Variants in ZNF30 observed in about 807,000 individuals in gnomAD.
ZNF30 encodes zinc finger protein 30.
A neutral mutation model predicts 13.2 loss-of-function variants in ZNF30; 15 were observed. The observed-to-expected ratio is 1.13, with a 90% CI of 0.76 to 1.75. The LOEUF (loss-of-function observed/expected upper bound fraction) is 1.75. Ranked by LOEUF, ZNF30 falls within the 40% of genes most tolerant of loss-of-function variation. The pLI is 0.00. For synonymous variants in ZNF30, 223 were observed against 256.6 expected (o/e 0.87, Z 1.25); for missense variants, 726 against 757.0 (o/e 0.96, Z 0.48).
chr19:34,936,742 A>G (rs909715927), intron 4 of ZNF30, among the ~76,000 whole-genome samples: 5 of 152,024 alleles, frequency 3.3e-5, no homozygotes, highest in African/African-American at 9.7e-5. Flanking sequence ...TATAAAATGT[A>G]CAAATTAGCT....
intron 1 of ZNF30, among the ~76,000 whole-genome samples, chr19:34,929,553 C>G (rs747346406): frequency 1.2e-4 from 19 of 152,164 alleles, no homozygotes; most frequent in Non-Finnish European, 2.8e-4. Context: ...GATATGGACT[C>G]TTTCTTAGGC....
intron 4 of ZNF30, chr19:34,942,589 G>C: frequency 7.8e-7 from 1 of 1,275,732 alleles, no homozygotes; most frequent in Non-Finnish European, 1.0e-6. Context: ...TTTAAACATG[G>C]ATAGGATAAG....
At chr19:34,936,647 A>C (rs549488795) in intron 4 of ZNF30, among the ~76,000 whole-genome samples, 10 of 152,242 alleles carry the variant, frequency 6.6e-5, no homozygotes, top group African/African-American at 2.2e-4. Flanking sequence ...TGGAATCCCA[A>C]CACTTTGGGA....
chr19:34,937,034 G>A (rs964119831), intron 4 of ZNF30, among the ~76,000 whole-genome samples: 3 of 152,064 alleles, frequency 2.0e-5, no homozygotes, highest in Admixed American at 1.3e-4. Context: ...TGTTTGAGAC[G>A]GAGTTTCACT....
At chr19:34,925,396 T>C (rs1437449441), upstream of ZNF30, among the ~76,000 whole-genome samples, 1 of 152,186 alleles carries the variant, frequency 6.6e-6, no homozygotes, top group Non-Finnish European at 1.5e-5. Context: ...GGGAAATGGT[T>C]TTCCCCTGGA....
At chr19:34,931,016 A>G (rs1461372525) in intron 2 of ZNF30, among the ~76,000 whole-genome samples, 2 of 149,314 alleles carry the variant, frequency 1.3e-5, no homozygotes, top group South Asian at 2.1e-4. Flanking sequence ...GTATAAAATC[A>G]TTACTTTTTT....
Position 34,927,216 on chromosome 19 carries a change from C to G in ZNF30, c.-65C>G, listed in dbSNP as rs1259865007. 2.6e-6 allele frequency: 1 copy of G among 382,126 alleles called. No individual in the cohort carries two copies. Among genetic ancestry groups the G allele is most frequent in the Non-Finnish European group, 4.6e-6 (1 of 216,244 alleles). 23.7% of individuals were successfully genotyped at this position (382,126 alleles called of 1,614,324 possible). A position where few individuals can be genotyped will look rare whatever the true frequency, so the allele number is the denominator to read the frequency against. Reference sequence around the variant, plus strand: ...GGCGCGGAACCCGGACTGAGACATGCGTGAGCGTTGGGTGGACCGGGCGAG... The same window carrying G: ...GGCGCGGAACCCGGACTGAGACATGGGTGAGCGTTGGGTGGACCGGGCGAG... On this transcript the variant is annotated splice_region_variant and 5_prime_UTR_variant, in exon 1 of 5. Transcript: ENST00000601142.
intron 4 of ZNF30, among the ~76,000 whole-genome samples, chr19:34,936,646 A>G (rs2012755968): frequency 6.6e-6 from 1 of 152,182 alleles, no homozygotes; most frequent in South Asian, 2.1e-4. Context: ...CTGGAATCCC[A>G]ACACTTTGGG....
At position 34,930,213 on chromosome 19, in the gene ZNF30, A is replaced by C. The variant is rs967042846; in HGVS notation, c.9+257A>C. On this transcript the variant is annotated intron_variant, in intron 2 of 4. Coordinates refer to ENST00000601142, the MANE Select transcript of ZNF30 (RefSeq NM_194325.3). ...CTGAAAGGCTGTGATAGAGCAGTGG[A>C]GGATTGAAGTCCCGTGGCAGAAGTA... is the stretch of plus-strand genomic sequence containing the variant. 2.0e-5 allele frequency among the ~76,000 whole-genome samples: 3 copies of C among 152,184 alleles called. No individual in the cohort carries two copies. The East Asian group carries it at 5.8e-4, about 29-fold the overall frequency.
At chr19:34,924,929 A>G (rs2012009678), upstream of ZNF30, among the ~76,000 whole-genome samples, 1 of 152,220 alleles carries the variant, frequency 6.6e-6, no homozygotes, top group South Asian at 2.1e-4. Context: ...AAGGCTAAAA[A>G]CTTGCTACTG....
At position 34,928,178 on chromosome 19, in the gene ZNF30, A is replaced by G. The variant is rs1165490546; in HGVS notation, c.-65+962A>G. 2.7e-5 allele frequency among the ~76,000 whole-genome samples: 4 copies of G among 146,142 alleles called. No individual in the cohort carries two copies. The Admixed American group carries it at 2.8e-4, about 10-fold the overall frequency. On this transcript the variant is annotated intron_variant, in intron 1 of 4. Transcript: ENST00000601142. ...AGTGGAGATGGCACCACCGCAATCC[A>G]GCCTGGGCGACAGAGCGAGATCCCT...
At chr19:34,942,772 G>A in intron 4 of ZNF30, 1 of 453,924 alleles carries the variant, frequency 2.2e-6, no homozygotes, top group South Asian at 1.9e-5. Flanking sequence ...TGAGAGGTGA[G>A]CAGGGACAAT....
At chr19:34,928,327 T>C (rs987027639) in intron 1 of ZNF30, among the ~76,000 whole-genome samples, 14 of 148,720 alleles carry the variant, frequency 9.4e-5, no homozygotes, top group African/African-American at 3.5e-4. Flanking sequence ...AAATAAAGGA[T>C]GTATAATGTT....
At chr19:34,933,785 AGGAAG>A in intron 4 of ZNF30, 62 bp downstream of exon 4, 2 of 1,141,908 alleles carry the variant, frequency 1.8e-6, no homozygotes, top group Non-Finnish European at 2.6e-6. Context: ...GCTGTCAGGG[AGGAAG>A]TGCATCTCTG....
Position 34,943,642 on chromosome 19 carries a change from C to CTT in ZNF30, c.676_677insTT (p.His226LeufsTer18). On this transcript the variant is annotated frameshift_variant, in exon 5 of 5. Transcript: ENST00000601142. LOFTEE classifies it low-confidence loss of function (END_TRUNC). Reference sequence around the variant, plus strand: ...TCAACTTACAGTACATAAGAGTATTCATACTGGGAAGAAACCATATGAGTG... The same window carrying CTT: ...TCAACTTACAGTACATAAGAGTATTCTTATACTGGGAAGAAACCATATGAGTG... 6.2e-7 allele frequency: 1 copy of CTT among 1,613,678 alleles called. No homozygotes were observed. Among genetic ancestry groups the CTT allele is most frequent in the Non-Finnish European group, 8.5e-7 (1 of 1,179,786 alleles).
In ZNF30 at chr19:34,929,929, T is replaced by C. The variant is rs906395248; in HGVS notation, c.-19T>C. On this transcript the variant is annotated 5_prime_UTR_variant, in exon 2 of 5. Transcript: ENST00000601142. Reference sequence around the variant, plus strand: ...AGGAACCCCAGTGAAGACTGATCAGTTCTTACAATTCTCAAAGCATGGCCC... The same window carrying C: ...AGGAACCCCAGTGAAGACTGATCAGCTCTTACAATTCTCAAAGCATGGCCC... 7 of 1,606,148 alleles carry C rather than the reference T, an allele frequency of 4.4e-6. No individual in the cohort carries two copies. The African/African-American group carries it at 9.4e-5, about 21-fold the overall frequency.
In ZNF30 at chr19:34,933,670, A is replaced by G; in HGVS notation, c.203A>G (p.Gln68Arg). The G allele has an allele frequency of 6.2e-7, 1 of 1,601,850 alleles. No individual in the cohort carries two copies. Among genetic ancestry groups the G allele is most frequent in the Non-Finnish European group, 8.5e-7 (1 of 1,173,912 alleles). The change falls in exon 4 of 5, where the codon CAA becomes CGA. Residue 68 changes from glutamine to arginine, a missense_variant. Transcript: ENST00000601142. ...SKPHVIALLE[Q>R]WKEPEVTVRK... Reference sequence around the variant, plus strand: ...CCACATGTGATCGCCTTATTGGAACAATGGAAAGAGCCTGAAGTGACAGTG... The same window carrying G: ...CCACATGTGATCGCCTTATTGGAACGATGGAAAGAGCCTGAAGTGACAGTG...
At chr19:34,942,621 A>T in intron 4 of ZNF30, 1 of 1,289,236 alleles carries the variant, frequency 7.8e-7, no homozygotes, top group Non-Finnish European at 1.0e-6. Flanking sequence ...CTACAAACAA[A>T]ACATGCCAGA....
intron 4 of ZNF30, 26 bp from the exon 5 acceptor site, chr19:34,943,197 A>G: frequency 7.1e-7 from 1 of 1,413,624 alleles, no homozygotes; most frequent in South Asian, 1.8e-5. Flanking sequence ...ATAGAAAAAT[A>G]AGATATTTTT....
Sources: gnomAD v4.1 joint callset for allele counts (sites outside exome capture counted in the v4.1 genomes callset) on GRCh38, gnomAD v4.1.1 for gene constraint, MANE v1.5 for transcripts, NCBI Gene and HGNC (gene_info 2026-07-23, HGNC 2026-07-21) for gene names.